MNDA: variants seen among roughly 807,000 people sequenced by gnomAD.
MNDA encodes the protein epididymis secretory sperm binding protein.
A neutral mutation model predicts 37.8 loss-of-function variants in MNDA; 43 were observed. That is an observed-to-expected ratio of 1.14 (90% CI 0.89 to 1.47). The LOEUF (loss-of-function observed/expected upper bound fraction) is 1.47, where lower values mean the gene tolerates loss of function less well. Ranked by LOEUF, MNDA falls within the 40% of genes most tolerant of loss-of-function variation. MNDA has a pLI of 0.00. For missense variants in MNDA, 536 were observed against 476.0 expected, an observed-to-expected ratio of 1.13 and a Z score of -1.17; for synonymous variants, 181 against 169.0, an observed-to-expected ratio of 1.07 and a Z score of -0.55.
chr1:158,845,773 G>A lies in MNDA; in HGVS notation c.757G>A (p.Asp253Asn), dbSNP rs774562125. The A allele has an allele frequency of 9.9e-6, 16 of 1,613,970 alleles. No homozygotes were observed. The highest frequency in any genetic ancestry group is 5.3e-5 in the African/African-American group (4 of 74,970). ...KTQYFHVKVFDINLKEKFVRK... is the reference protein window; with the variant it reads ...KTQYFHVKVFNINLKEKFVRK... ...TCAATATTTCCATGTGAAAGTCTTC[G>A]ACATCAACTTGAAAGAGAAATTTGT... Residue 253 changes from aspartate to asparagine, a missense_variant, in exon 5 of 7, where the codon GAC becomes AAC. By Grantham distance (23) the Asp-to-Asn change is conservative. Coordinates refer to ENST00000368141, the MANE Select transcript of MNDA (RefSeq NM_002432.3).
intron 6 of MNDA, among the ~76,000 whole-genome samples, chr1:158,848,634 C>T (rs1265285026): frequency 1.3e-5 from 2 of 152,004 alleles, no homozygotes; most frequent in African/African-American, 2.4e-5. Flanking sequence ...AAAATTGAAA[C>T]AAAATTATGC....
At chr1:158,842,069 C>T (rs1659037510) in intron 1 of MNDA, 65 bp from the exon 2 acceptor site, 12 of 1,422,234 alleles carry the variant, frequency 8.4e-6, no homozygotes, top group Non-Finnish European at 1.1e-5. Context: ...CTCACAAAAG[C>T]ATATCTCATT....
chr1:158,847,403 A>G (rs1659155160), intron 5 of MNDA, among the ~76,000 whole-genome samples: 1 of 152,212 alleles, frequency 6.6e-6, no homozygotes, highest in South Asian at 2.1e-4. Flanking sequence ...CCACAGGACC[A>G]TGAGCCAAGA....
chr1:158,846,042 C>T, intron 5 of MNDA, 39 bp downstream of exon 5: 5 of 1,513,308 alleles, frequency 3.3e-6, no homozygotes, highest in Non-Finnish European at 4.5e-6. Context: ...TCTACCATTA[C>T]CTGGAAATAA....
chr1:158,838,221 T>G (rs1426191501), intron 1 of MNDA, among the ~76,000 whole-genome samples: 1 of 152,046 alleles, frequency 6.6e-6, no homozygotes, highest in Admixed American at 6.6e-5. Context: ...TCTAGCATCC[T>G]TGTGTTTCAG....
chr1:158,833,835 A>G (rs573364532), intron 1 of MNDA, among the ~76,000 whole-genome samples: 3 of 152,320 alleles, frequency 2.0e-5, no homozygotes, highest in Admixed American at 1.3e-4. Flanking sequence ...TTTATTTGAG[A>G]TCACACTTTC....
rs199559905 is a variant in MNDA, at chr1:158,845,618, A to C, written c.602A>C (p.Asp201Ala). ...GAAACCCAGGCCCAACGGCAGGTGGATGCAAGAAGAAATGTTCCCCAAAAC... is the reference window on the plus strand; with the variant it reads ...GAAACCCAGGCCCAACGGCAGGTGGCTGCAAGAAGAAATGTTCCCCAAAAC... ...NQETQAQRQV[D>A]ARRNVPQNDP... Residue 201 changes from aspartate (D) to alanine (A), a missense_variant, in exon 5 of 7, where the codon GAT becomes GCT. By Grantham distance (126) the Asp-to-Ala change is moderately radical. Coordinates refer to ENST00000368141, the MANE Select transcript of MNDA (RefSeq NM_002432.3). The C allele has an allele frequency of 5.6e-6, 9 of 1,613,180 alleles. No individual in the cohort carries two copies. The highest frequency in any genetic ancestry group is 6.8e-6 in the Non-Finnish European group (8 of 1,179,566).
chr1:158,841,034 G>A (rs888878700), intron 1 of MNDA, among the ~76,000 whole-genome samples: 5 of 152,066 alleles, frequency 3.3e-5, no homozygotes, highest in African/African-American at 9.7e-5. Context: ...TACACAAGGG[G>A]TTAAAGAGGC....
intron 6 of MNDA, among the ~76,000 whole-genome samples, chr1:158,848,451 A>T (rs897791023): frequency 6.6e-6 from 1 of 152,144 alleles, no homozygotes; most frequent in Non-Finnish European, 1.5e-5. Context: ...AAAATTCCAA[A>T]AGTGTGACAT....
intron 1 of MNDA, among the ~76,000 whole-genome samples, chr1:158,836,755 C>T (rs1658924339): frequency 6.6e-6 from 1 of 150,960 alleles, no homozygotes; most frequent in Admixed American, 6.6e-5. Context: ...CTTTTGATGG[C>T]TTTTGGTTTA....
In MNDA at chr1:158,845,704, A is replaced by C; in HGVS notation, c.688A>C (p.Asn230His). ...TAPFKYESPE[N>H]GKSTMFHATV... is the part of the protein sequence containing the mutation. ...GCCATTTAAATACGAGTCCCCAGAA[A>C]ATGGGAAAAGCACAATGTTTCATGC... is the stretch of plus-strand genomic sequence containing the variant. Residue 230 changes from asparagine (N) to histidine (H), a missense_variant, in exon 5 of 7, where the codon AAT becomes CAT. Physicochemically the swap from Asn to His is moderately conservative, Grantham distance 68. Transcript: ENST00000368141. 1 of 1,614,146 alleles carries C rather than the reference A, an allele frequency of 6.2e-7. No individual in the cohort carries two copies. Among genetic ancestry groups the C allele is most frequent in the South Asian group, 1.1e-5 (1 of 91,084 alleles).
chr1:158,842,378 T>G lies in MNDA; in HGVS notation c.225T>G (p.Leu75=), dbSNP rs1558056677. The G allele has an allele frequency of 1.9e-6, 3 of 1,612,768 alleles. No homozygotes were observed. The highest frequency in any genetic ancestry group is 1.1e-5 in the South Asian group (1 of 90,956). ...AACTTGCCAAAGATATGCCATCACT[T>G]AAAAACCTTGTTAACAATCTTCGAA... ...LIELAKDMPS[L]KNLVNNLRKE... The change falls in exon 2 of 7, where the codon CTT becomes CTG. Residue 75 remains leucine, a synonymous_variant. Transcript: ENST00000368141.
intron 1 of MNDA, among the ~76,000 whole-genome samples, chr1:158,838,067 T>C (rs1658958319): frequency 6.6e-6 from 1 of 152,006 alleles, no homozygotes. Flanking sequence ...CATTGATTTA[T>C]AAATTGTTTT....
At position 158,842,157 on chromosome 1, in the gene MNDA, G is replaced by C. The variant is rs1659039130; in HGVS notation, c.4G>C (p.Val2Leu). M[V>L]NEYKKILLLK... ...AGGCCAAGCTATAACATCAGAAATG[G>C]TGAATGAATACAAGAAAATTCTTTT... Residue 2 changes from valine to leucine, a missense_variant, in exon 2 of 7, where the codon GTG (valine) becomes CTG (leucine). Coordinates refer to ENST00000368141, the MANE Select transcript of MNDA (RefSeq NM_002432.3). 1 of 1,609,092 alleles carries C rather than the reference G, an allele frequency of 6.2e-7. No homozygotes were observed. The highest frequency in any genetic ancestry group is 1.3e-5 in the African/African-American group (1 of 74,618).
At chr1:158,836,909 C>G (rs989006615) in intron 1 of MNDA, among the ~76,000 whole-genome samples, 1 of 151,698 alleles carries the variant, frequency 6.6e-6, no homozygotes, top group Non-Finnish European at 1.5e-5. Context: ...TGTTGTGTTT[C>G]TATATAATTT....
At chr1:158,838,097 T>C (rs1658958632) in intron 1 of MNDA, among the ~76,000 whole-genome samples, 1 of 151,990 alleles carries the variant, frequency 6.6e-6, no homozygotes, top group African/African-American at 2.4e-5. Flanking sequence ...TTTTAAATCC[T>C]ATAAAATAAT....
chr1:158,837,734 G>A (rs1195456542), intron 1 of MNDA, among the ~76,000 whole-genome samples: 2 of 151,688 alleles, frequency 1.3e-5, no homozygotes, highest in Non-Finnish European at 3.0e-5. Context: ...TTATTGATAA[G>A]GAAGAACTTA....
At chr1:158,834,035 T>C (rs1383221025) in intron 1 of MNDA, among the ~76,000 whole-genome samples, 1 of 152,166 alleles carries the variant, frequency 6.6e-6, no homozygotes, top group East Asian at 1.9e-4. Flanking sequence ...GTTATTTTTT[T>C]GACAGTACCA....
At chr1:158,839,064 C>T (rs1223542731) in intron 1 of MNDA, among the ~76,000 whole-genome samples, 13 of 152,084 alleles carry the variant, frequency 8.5e-5, no homozygotes, top group Admixed American at 8.5e-4. Context: ...ACAAGAAAGT[C>T]TGAGGGCTGT....
Sources: gnomAD v4.1 joint callset for allele counts (sites outside exome capture counted in the v4.1 genomes callset) on GRCh38, gnomAD v4.1.1 for gene constraint, MANE v1.5 for transcripts, NCBI Gene and HGNC (gene_info 2026-07-23, HGNC 2026-07-21) for gene names.